Variants in ATAD2B observed in about 807,000 individuals in gnomAD.
The protein encoded by ATAD2B is ATPase family AAA domain-containing protein 2B.
ATAD2B carries 40 observed loss-of-function variants against 167.6 expected under a neutral mutation model. The ratio of observed to expected loss-of-function variants is 0.24; its 90% CI spans 0.19 to 0.31. ATAD2B has a LOEUF of 0.31. Ranked by LOEUF, ATAD2B falls within the 10% of genes least tolerant of loss-of-function variation. The probability of loss-of-function intolerance (pLI) is 1.00; values close to 1 mark genes in which losing one functional copy is unlikely to be tolerated. For synonymous variants in ATAD2B, 579 were observed against 596.5 expected (o/e 0.97, Z 0.43); for missense variants, 1,242 against 1,757.2 (o/e 0.71, Z 5.24).
intron 14 of ATAD2B, chr2:23,832,294 A>T (rs576194278): frequency 2.1e-5 from 10 of 466,568 alleles, no homozygotes; most frequent in African/African-American, 1.6e-4. Context: ...AAAGGTAAAC[A>T]GCCAGCATAG....
chr2:23,832,648 C>A (rs530285197), intron 14 of ATAD2B: 2 of 155,310 alleles, frequency 1.3e-5, no homozygotes, highest in Non-Finnish European at 2.8e-5. Context: ...CAGTGCTGTT[C>A]TAAACCTTGT....
chr2:23,695,574 T>C, the ATAD2B span: 16 of 1,304,786 alleles, frequency 1.2e-5, no homozygotes, highest in Non-Finnish European at 1.6e-5. The surrounding 1 kb of genome is among the most constrained non-coding windows in gnomAD (Gnocchi z 7.6). Context: ...GTCCGGGAGG[T>C]GGCTCTCTCT....
intron 15 of ATAD2B, among the ~76,000 whole-genome samples, chr2:23,825,960 AT>A (rs1479482839): frequency 3.3e-5 from 5 of 152,168 alleles, no homozygotes; most frequent in Admixed American, 2.0e-4. Context: ...AATGAAGTAG[AT>A]TTTCACATTA....
At chr2:23,849,840 C>T (rs1160806892) in intron 13 of ATAD2B, among the ~76,000 whole-genome samples, 1 of 150,894 alleles carries the variant, frequency 6.6e-6, no homozygotes, top group African/African-American at 2.4e-5. Flanking sequence ...AAAATAAAAC[C>T]CCACAAAAGA....
At position 23,867,965 on chromosome 2, in the gene ATAD2B, C is replaced by G; in HGVS notation, c.1077-19G>C. 6.6e-7 allele frequency: 1 copy of G among 1,518,470 alleles called. No homozygotes were observed. The highest frequency in any genetic ancestry group is 9.1e-7 in the Non-Finnish European group (1 of 1,102,440). 94.1% of individuals were successfully genotyped at this position (1,518,470 alleles called of 1,614,324 possible). A position where few individuals can be genotyped will look rare whatever the true frequency, so the allele number is the denominator to read the frequency against. ...CAAACATCTGAAATTTATAAAAGTG[C>G]AAGTAAAGTTGCATTAAAAGTTTCA... On this transcript the variant is annotated intron_variant, in intron 9 of 27. Coordinates refer to ENST00000238789, the MANE Select transcript of ATAD2B (RefSeq NM_017552.4).
At chr2:23,898,604 A>C (rs1363656466) in intron 1 of ATAD2B, among the ~76,000 whole-genome samples, 1 of 152,222 alleles carries the variant, frequency 6.6e-6, no homozygotes, top group Non-Finnish European at 1.5e-5. Context: ...GTCTTGGTCC[A>C]TGGCTGCTCA....
the ATAD2B span, among the ~76,000 whole-genome samples, chr2:23,722,554 CA>C: frequency 6.6e-6 from 1 of 151,784 alleles, no homozygotes; most frequent in Non-Finnish European, 1.5e-5. Context: ...TAATAAAGAA[CA>C]AAAAAGAATG....
At position 23,857,449 on chromosome 2, in the gene ATAD2B, G is replaced by A. The variant is rs1416775351; in HGVS notation, c.1534C>T (p.Pro512Ser). Residue 512 changes from proline to serine, a missense_variant, in exon 13 of 28, where the codon CCA becomes TCA. Transcript: ENST00000238789. Reference protein sequence around the residue: ...IFFDEIDGLAPVRSSRQDQIH... With the variant: ...IFFDEIDGLASVRSSRQDQIH... Reference sequence around the variant, plus strand: ...TGATCTTGTCTGCTAGAGCGAACTGGAGCTAATCCATCTATTTCATCAAAA... The same window carrying A: ...TGATCTTGTCTGCTAGAGCGAACTGAAGCTAATCCATCTATTTCATCAAAA... 6.6e-7 allele frequency: 1 copy of A among 1,518,228 alleles called. No homozygotes were observed. Among genetic ancestry groups the A allele is most frequent in the Non-Finnish European group, 8.8e-7 (1 of 1,139,852 alleles). The allele number at this position is 1,518,228 out of a possible 1,614,324, so 94.0% of individuals were successfully genotyped here. A position where few individuals can be genotyped will look rare whatever the true frequency, so the allele number is the denominator to read the frequency against.
At chr2:23,768,386 C>T (rs1677772944) in intron 22 of ATAD2B, among the ~76,000 whole-genome samples, 1 of 151,932 alleles carries the variant, frequency 6.6e-6, no homozygotes, top group South Asian at 2.1e-4. Context: ...GACTCATTCC[C>T]ATTACCTGCT....
chr2:23,844,124 G>A (rs1285704772), intron 13 of ATAD2B, among the ~76,000 whole-genome samples: 4 of 152,064 alleles, frequency 2.6e-5, no homozygotes, highest in Non-Finnish European at 5.9e-5. Flanking sequence ...ATTTTTAGTA[G>A]AGGCAAGGTT....
chr2:23,812,848 C>A (rs1272652861), intron 17 of ATAD2B, among the ~76,000 whole-genome samples: 892 of 129,656 alleles, frequency 6.9e-3, no homozygotes, highest in Non-Finnish European at 7.1e-3. Context: ...GACTCAGTCT[C>A]AAAAAAAAAA....
chr2:23,686,709 G>A, the ATAD2B span, among the ~76,000 whole-genome samples: 2 of 152,124 alleles, frequency 1.3e-5, no homozygotes, highest in South Asian at 2.1e-4. Context: ...CCTGACGGAC[G>A]CCCAGGTCCC....
chr2:23,850,248 T>G (rs534156758), intron 13 of ATAD2B, among the ~76,000 whole-genome samples: 156 of 152,104 alleles, frequency 1.0e-3, no homozygotes, highest in African/African-American at 3.6e-3. Flanking sequence ...ACCACAGCTA[T>G]TTGTAAATTA....
chr2:23,882,280 C>T (rs1252734624), intron 6 of ATAD2B, among the ~76,000 whole-genome samples: 1 of 151,888 alleles, frequency 6.6e-6, no homozygotes, highest in African/African-American at 2.4e-5. Context: ...ACTGAAACCT[C>T]TGCCTCTCGG....
rs530379674 is a variant in ATAD2B at position 23,911,722 on chromosome 2, C to A, written c.216+14833G>T. 4.4e-3 allele frequency among the ~76,000 whole-genome samples: 670 copies of A among 152,242 alleles called. 4 individuals are homozygous for A. Among genetic ancestry groups the A allele is most frequent in the Non-Finnish European group, 7.0e-3 (475 of 68,014 alleles). On this transcript the variant is annotated intron_variant, in intron 1 of 27. Transcript: ENST00000238789. ...ACCAGCAGTGACTCATGCTTATAAT[C>A]CCAGCACTTTGCGAGGCCAAGGCAG...
intron 2 of ATAD2B, among the ~76,000 whole-genome samples, chr2:23,888,843 T>C (rs1699060853): frequency 6.6e-6 from 1 of 152,202 alleles, no homozygotes; most frequent in Admixed American, 6.5e-5. Flanking sequence ...TTCTTCAAAG[T>C]ATTTTATTAC....
At chr2:23,746,632 G>A (rs1674897683), downstream of ATAD2B, among the ~76,000 whole-genome samples, 1 of 152,102 alleles carries the variant, frequency 6.6e-6, no homozygotes, top group African/African-American at 2.4e-5. Context: ...ATGGAGAAAG[G>A]GTGATAGGTA....
Position 23,754,751 on chromosome 2 carries a change from G to A in ATAD2B, c.4102C>T (p.Arg1368Cys), listed in dbSNP as rs776141034. 8 of 1,611,882 alleles carry A rather than the reference G, an allele frequency of 5.0e-6. No homozygotes were observed. Among genetic ancestry groups the A allele is most frequent in the African/African-American group, 4.0e-5 (3 of 74,706 alleles). The change falls in exon 26 of 28, where the codon CGT becomes TGT. Residue 1368 changes from arginine to cysteine, a missense_variant. Arg to Cys is a radical substitution (Grantham distance 180). Around this residue, in one of 9 missense-constraint regions of ATAD2B, gnomAD observed 282 missense variants for 346.8 expected, o/e 0.81. Transcript: ENST00000238789. Reference protein sequence around the residue: ...KEGASKVKKYRKLILEQAKTT... With the variant: ...KEGASKVKKYCKLILEQAKTT... Reference sequence around the variant, plus strand: ...TTTGCCTGCTCTAAAATTAATTTACGGTATTTCTTTACTTTAGAAGCACCT... The same window carrying A: ...TTTGCCTGCTCTAAAATTAATTTACAGTATTTCTTTACTTTAGAAGCACCT...
intron 18 of ATAD2B, among the ~76,000 whole-genome samples, chr2:23,807,618 C>T (rs1684634465): frequency 6.6e-6 from 1 of 151,640 alleles, no homozygotes; most frequent in African/African-American, 2.4e-5. Context: ...AGATCAAGGC[C>T]ATCCTGGCTA....
Sources: gnomAD v4.1 joint callset for allele counts (sites outside exome capture counted in the v4.1 genomes callset) on GRCh38, gnomAD v4.1.1 for gene constraint, gnomAD v4.1.1 regional missense constraint, Gnocchi (gnomAD v3.1) non-coding constraint, MANE v1.5 for transcripts, NCBI Gene and HGNC (gene_info 2026-07-23, HGNC 2026-07-21) for gene names.